Variants in SWT1 observed in about 807,000 individuals in gnomAD.
SWT1 encodes SWT1 RNA endoribonuclease homolog.
In SWT1, 33 loss-of-function variants were observed where a neutral mutation model predicts 107.3. That is an observed-to-expected ratio of 0.31 (90% confidence interval 0.23 to 0.41). The LOEUF (loss-of-function observed/expected upper bound fraction) is 0.41, where lower values mean the gene tolerates loss of function less well. SWT1 is among the 10% of genes least tolerant of loss of function. The pLI, the probability that SWT1 is intolerant of heterozygous loss-of-function variation, is 1.00. For synonymous variants in SWT1, 345 were observed against 348.3 expected, an observed-to-expected ratio of 0.99 and a Z score of 0.11; for missense variants, 898 against 1,028.9, an observed-to-expected ratio of 0.87 and a Z score of 1.74.
intron 16 of SWT1, among the ~76,000 whole-genome samples, chr1:185,269,069 G>T (rs6685627): frequency 0.47 from 70,867 of 151,668 alleles, 17,382 homozygotes; most frequent in African/African-American, 0.62. Context: ...AGCCAGGATG[G>T]TCTCGATCTC....
chr1:185,229,472 C>A (rs1252014779), intron 15 of SWT1, among the ~76,000 whole-genome samples: 2 of 151,558 alleles, frequency 1.3e-5, no homozygotes, highest in Non-Finnish European at 2.9e-5. Flanking sequence ...GTGTCCTCAT[C>A]CTTTTACCTG....
intron 16 of SWT1, among the ~76,000 whole-genome samples, chr1:185,265,435 T>C (rs914424515): frequency 1.3e-5 from 2 of 152,250 alleles, no homozygotes; most frequent in African/African-American, 4.8e-5. Flanking sequence ...AGACTTTTTT[T>C]CCTTAGTGTT....
At chr1:185,212,864 G>A (rs1161312955) in intron 13 of SWT1, among the ~76,000 whole-genome samples, 4 of 151,442 alleles carry the variant, frequency 2.6e-5, no homozygotes, top group Non-Finnish European at 5.9e-5. Flanking sequence ...CACAGTTTAT[G>A]TTCTTGTGTA....
chr1:185,267,380 G>A (rs1889976), intron 16 of SWT1, among the ~76,000 whole-genome samples: 78,779 of 152,020 alleles, frequency 0.52, 21,930 homozygotes, highest in African/African-American at 0.74. Context: ...GCTGGGCTAC[G>A]TAATTAAATT....
intron 13 of SWT1, among the ~76,000 whole-genome samples, chr1:185,211,706 G>A (rs1658823145): frequency 6.6e-6 from 1 of 152,164 alleles, no homozygotes. Context: ...CCATTACTGG[G>A]TATATAACCA....
chr1:185,231,637 A>C lies in SWT1; in HGVS notation c.2370A>C (p.Ser790=). The change falls in exon 16 of 19, where the codon TCA becomes TCC. Residue 790 remains serine (S), a synonymous_variant. Transcript: ENST00000367500. Reference sequence around the variant, plus strand: ...CTCTGACTACTTCAAATATAGCATCATTTGAAGAAGCATTTATATGTCTTC... The same window carrying C: ...CTCTGACTACTTCAAATATAGCATCCTTTGAAGAAGCATTTATATGTCTTC... The part of the protein sequence containing the change: ...NSALTTSNIA[S]FEEAFICLQK... The C allele has an allele frequency of 6.2e-7, 1 of 1,608,200 alleles. No individual in the cohort carries two copies. The highest frequency in any genetic ancestry group is 8.5e-7 in the Non-Finnish European group (1 of 1,175,024).
chr1:185,221,522 C>T (rs1659656198), intron 14 of SWT1, among the ~76,000 whole-genome samples: 1 of 151,972 alleles, frequency 6.6e-6, no homozygotes, highest in Non-Finnish European at 1.5e-5. Context: ...CTTGATTGTA[C>T]CTCTATACTT....
chr1:185,271,380 C>T lies in SWT1; in HGVS notation c.2499C>T (p.Ile833=). The change falls in exon 17 of 19, where the codon ATC becomes ATT. Residue 833 remains isoleucine, a synonymous_variant. Transcript: ENST00000367500. ...QDVETLYNFL[I]KYEVNKNVKF... ...TTGAGACCCTCTATAACTTCCTAAT[C>T]AAGTATGAGGTATGGGAAATATTTT... 6.8e-7 allele frequency: 1 copy of T among 1,468,128 alleles called. No homozygotes were observed. Among genetic ancestry groups the T allele is most frequent in the Non-Finnish European group, 9.5e-7 (1 of 1,050,162 alleles). The allele number at this position is 1,468,128 out of a possible 1,614,324, so 90.9% of individuals were successfully genotyped here.
chr1:185,288,862 A>G (rs973887034), intron 18 of SWT1, among the ~76,000 whole-genome samples: 2 of 152,174 alleles, frequency 1.3e-5, no homozygotes, highest in African/African-American at 4.8e-5. Context: ...TTGTAGTCTC[A>G]TGTTAGCTTT....
intron 1 of SWT1, 127 bp from the exon 2 acceptor site, chr1:185,160,706 A>AAAAAT (rs766530984): frequency 2.9e-6 from 2 of 688,332 alleles, no homozygotes; most frequent in Non-Finnish European, 4.6e-6. Flanking sequence ...CATCTCAAAA[A>AAAAAT]AAAATAAAAT....
chr1:185,222,093 T>A, intron 15 of SWT1, 57 bp downstream of exon 15: 1 of 1,167,958 alleles, frequency 8.6e-7, no homozygotes, highest in Non-Finnish European at 1.2e-6. Flanking sequence ...ATTATAATTG[T>A]ACATATTTAC....
intron 18 of SWT1, among the ~76,000 whole-genome samples, chr1:185,283,465 G>A (rs952929794): frequency 6.6e-6 from 1 of 152,138 alleles, no homozygotes; most frequent in Non-Finnish European, 1.5e-5. Flanking sequence ...GAGAAATTAG[G>A]TACAGCATTT....
At position 185,163,159 on chromosome 1, in the gene SWT1, A is replaced by G. The variant is rs985480002; in HGVS notation, c.84+2234A>G. 2.6e-5 allele frequency among the ~76,000 whole-genome samples: 4 copies of G among 152,232 alleles called. No homozygotes were observed. In the South Asian group the frequency reaches 6.2e-4, roughly 24 times the overall value. On this transcript the variant is annotated intron_variant, in intron 2 of 18. Transcript: ENST00000367500. The stretch of plus-strand genomic sequence containing the variant: ...TTAAGACAGCAATGAAGTTTGCCAC[A>G]TTGACTCTCCTTTCACAAAAGATTG...
At chr1:185,249,946 C>G (rs1465438358) in intron 16 of SWT1, among the ~76,000 whole-genome samples, 1 of 152,114 alleles carries the variant, frequency 6.6e-6, no homozygotes, top group African/African-American at 2.4e-5. Flanking sequence ...TATTACTTCT[C>G]TCTTTTATTC....
At chr1:185,195,514 A>C (rs1205025295) in intron 10 of SWT1, among the ~76,000 whole-genome samples, 1 of 152,230 alleles carries the variant, frequency 6.6e-6, no homozygotes, top group Non-Finnish European at 1.5e-5. Context: ...GTATGTACCC[A>C]GTAATGGGAT....
At chr1:185,255,942 C>T (rs978152614) in intron 16 of SWT1, among the ~76,000 whole-genome samples, 43 of 151,790 alleles carry the variant, frequency 2.8e-4, no homozygotes, top group East Asian at 2.0e-3. Flanking sequence ...CCATGTTTAG[C>T]GCTTCCTTCA....
intron 15 of SWT1, among the ~76,000 whole-genome samples, chr1:185,224,706 T>C (rs1659921524): frequency 1.3e-5 from 2 of 152,182 alleles, no homozygotes; most frequent in African/African-American, 4.8e-5. Context: ...TGATTAGGTT[T>C]ACTTTTTTGG....
intron 16 of SWT1, among the ~76,000 whole-genome samples, chr1:185,257,141 C>T (rs1662612302): frequency 6.6e-6 from 1 of 152,150 alleles, no homozygotes; most frequent in Non-Finnish European, 1.5e-5. Flanking sequence ...TGCCCGTTCT[C>T]ATATCTCCAG....
intron 16 of SWT1, among the ~76,000 whole-genome samples, chr1:185,244,028 C>T (rs1336752): frequency 0.32 from 48,911 of 151,766 alleles, 8,109 homozygotes; most frequent in Non-Finnish European, 0.36. Context: ...CATCCATTTA[C>T]CCATGCTGCC....
Sources: allele counts gnomAD v4.1 joint callset (sites outside exome capture counted in the v4.1 genomes callset), GRCh38; gene constraint gnomAD v4.1.1; transcripts MANE v1.5; gene names NCBI Gene and HGNC (gene_info 2026-07-23, HGNC 2026-07-21).